Variants in SLC14A2 observed in about 807,000 individuals in gnomAD.
SLC14A2 encodes urea transporter 2.
Under a neutral mutation model 104.6 loss-of-function variants are expected in SLC14A2, and 91 were observed. The ratio of observed to expected loss-of-function variants is 0.87; its 90% confidence interval spans 0.73 to 1.04. SLC14A2 has a LOEUF of 1.04. Among genes scored for constraint, SLC14A2 ranks in the 50% least tolerant of loss-of-function variants. The pLI is 0.00. For missense variants in SLC14A2, 1,189 were observed against 1,156.0 expected, an observed-to-expected ratio of 1.03 and a Z score of -0.41; for synonymous variants, 476 against 466.4, an observed-to-expected ratio of 1.02 and a Z score of -0.27.
the SLC14A2 span, among the ~76,000 whole-genome samples, chr18:45,203,532 C>CTG: frequency 7.9e-5 from 12 of 152,086 alleles, no homozygotes; most frequent in African/African-American, 2.9e-4. Context: ...AAATACAACA[C>CTG]TGTGTGTGTG....
intron 1 of SLC14A2, among the ~76,000 whole-genome samples, chr18:45,470,187 C>G (rs1179968053): frequency 1.3e-5 from 2 of 152,102 alleles, no homozygotes; most frequent in South Asian, 4.1e-4. Flanking sequence ...TTGCAGGTTT[C>G]AATAAAGTTT....
At chr18:45,420,718 A>G (rs911997234) in intron 1 of SLC14A2, among the ~76,000 whole-genome samples, 52 of 152,146 alleles carry the variant, frequency 3.4e-4, no homozygotes, top group African/African-American at 1.2e-3. Context: ...ATCGTTTGGT[A>G]CAGGTGGAAT....
intron 18 of SLC14A2, 21 bp from the exon 19 acceptor site, chr18:45,678,954 C>CTTTTTTTTTTTT: frequency 4.9e-6 from 7 of 1,435,930 alleles, no homozygotes; most frequent in South Asian, 2.6e-5. Flanking sequence ...CTATTTCTTT[C>CTTTTTTTTTTTT]TTTTTTTTTT....
the SLC14A2 span, among the ~76,000 whole-genome samples, chr18:45,182,488 T>A: frequency 3.9e-4 from 59 of 151,988 alleles, no homozygotes; most frequent in African/African-American, 1.4e-3. Context: ...AGATAAATAA[T>A]TCTCATGTTT....
chr18:45,489,085 C>T (rs1398062090), intron 2 of SLC14A2, among the ~76,000 whole-genome samples: 4 of 152,198 alleles, frequency 2.6e-5, no homozygotes, highest in Non-Finnish European at 1.5e-5. Context: ...GATTATCCTA[C>T]ATGGTTCGAT....
chr18:45,470,074 T>C (rs947247875), intron 1 of SLC14A2, among the ~76,000 whole-genome samples: 1 of 152,246 alleles, frequency 6.6e-6, no homozygotes, highest in Non-Finnish European at 1.5e-5. Context: ...TTACTCTTTA[T>C]ACATCTCCTG....
At chr18:45,528,442 G>A (rs1046746431) in intron 2 of SLC14A2, 1 of 151,898 alleles carries the variant, frequency 6.6e-6, no homozygotes, top group East Asian at 1.9e-4. Flanking sequence ...AAAGACCTTC[G>A]AACATCCATG....
chr18:45,292,627 C>A (rs1343375711), intron 1 of SLC14A2, among the ~76,000 whole-genome samples: 1 of 152,184 alleles, frequency 6.6e-6, no homozygotes, highest in African/African-American at 2.4e-5. Context: ...ATTCTTTCTC[C>A]TTAAATAGGG....
At chr18:45,353,583 A>T (rs1444799589) in intron 1 of SLC14A2, among the ~76,000 whole-genome samples, 1 of 152,204 alleles carries the variant, frequency 6.6e-6, no homozygotes, top group Non-Finnish European at 1.5e-5. Flanking sequence ...TTAGTTATCA[A>T]TGCACAAATT....
At chr18:45,673,377 T>C (rs1436996619) in intron 17 of SLC14A2, among the ~76,000 whole-genome samples, 2 of 152,234 alleles carry the variant, frequency 1.3e-5, no homozygotes, top group African/African-American at 2.4e-5. Flanking sequence ...AAGGTATCGA[T>C]GAAGGAGGAG....
intron 2 of SLC14A2, among the ~76,000 whole-genome samples, chr18:45,588,743 C>T (rs563437355): frequency 2.0e-5 from 3 of 152,302 alleles, no homozygotes; most frequent in African/African-American, 4.8e-5. Flanking sequence ...TACAATTCTA[C>T]GATAAAAGCA....
intron 1 of SLC14A2, among the ~76,000 whole-genome samples, chr18:45,260,455 AC>A (rs2084524274): frequency 2.6e-5 from 4 of 152,224 alleles, no homozygotes; most frequent in African/African-American, 9.6e-5. Context: ...TAACCCTACT[AC>A]TGGGTACATA....
chr18:45,371,265 T>A (rs2085719686), intron 1 of SLC14A2, among the ~76,000 whole-genome samples: 1 of 152,224 alleles, frequency 6.6e-6, no homozygotes, highest in Non-Finnish European at 1.5e-5. Flanking sequence ...GACTATCTCC[T>A]GTTCTCCAAA....
intron 1 of SLC14A2, among the ~76,000 whole-genome samples, chr18:45,392,409 C>T (rs924410173): frequency 2.0e-5 from 3 of 152,200 alleles, no homozygotes; most frequent in African/African-American, 4.8e-5. Flanking sequence ...CAATGAAAGC[C>T]TCATTGCCCT....
intron 19 of SLC14A2, among the ~76,000 whole-genome samples, chr18:45,680,043 G>A (rs1157413495): frequency 6.6e-6 from 1 of 152,188 alleles, no homozygotes; most frequent in African/African-American, 2.4e-5. Flanking sequence ...CTGGATGAAT[G>A]AAGCCCTAAG....
intron 1 of SLC14A2, among the ~76,000 whole-genome samples, chr18:45,437,296 G>C (rs1397154258): frequency 1.3e-5 from 2 of 152,224 alleles, no homozygotes; most frequent in Non-Finnish European, 2.9e-5. Flanking sequence ...GAGCAGGAAA[G>C]AAAGCAGGGC....
intron 1 of SLC14A2, among the ~76,000 whole-genome samples, chr18:45,464,519 T>C (rs553122664): frequency 9.8e-5 from 15 of 152,326 alleles, no homozygotes; most frequent in African/African-American, 3.6e-4. Context: ...AAAGCCACTT[T>C]TGAAAAAAAG....
At chr18:45,293,374 G>A (rs2084889559) in intron 1 of SLC14A2, among the ~76,000 whole-genome samples, 1 of 152,002 alleles carries the variant, frequency 6.6e-6, no homozygotes, top group Non-Finnish European at 1.5e-5. Context: ...GAATGTAATG[G>A]ACACAACACT....
chr18:45,346,422 G>T (rs1031889417), intron 1 of SLC14A2, among the ~76,000 whole-genome samples: 6 of 152,186 alleles, frequency 3.9e-5, no homozygotes, highest in Admixed American at 2.6e-4. Flanking sequence ...CTCCCAAAGT[G>T]CTGGGATTAC....
Sources: allele counts gnomAD v4.1 joint callset (sites outside exome capture counted in the v4.1 genomes callset), GRCh38; gene constraint gnomAD v4.1.1; transcripts MANE v1.5; gene names NCBI Gene and HGNC (gene_info 2026-07-23, HGNC 2026-07-21).